MEIOSIN: variants seen among roughly 807,000 people sequenced by gnomAD.
MEIOSIN encodes the protein meiosis initiator protein.
In MEIOSIN, 18 loss-of-function variants were observed where a neutral mutation model predicts 23.4. The ratio of observed to expected loss-of-function variants is 0.77; its 90% CI spans 0.53 to 1.14. The LOEUF is 1.14. Ranked by LOEUF, MEIOSIN falls within the 50% of genes most tolerant of loss-of-function variation. The probability of loss-of-function intolerance (pLI) is 0.00; values close to 1 mark genes in which losing one functional copy is unlikely to be tolerated. For synonymous variants in MEIOSIN, 187 were observed against 100.6 expected, an observed-to-expected ratio of 1.86 and a Z score of -5.14; for missense variants, 428 against 242.9, an observed-to-expected ratio of 1.76 and a Z score of -5.07.
intron 13 of MEIOSIN, among the ~76,000 whole-genome samples, chr19:45,763,052 G>T (rs1188789040): frequency 1.3e-5 from 2 of 152,198 alleles, no homozygotes; most frequent in African/African-American, 4.8e-5. Context: ...CAGGCCTGGA[G>T]CCAGGGGATG....
chr19:45,754,191 G>T (rs1284780003), intron 6 of MEIOSIN, among the ~76,000 whole-genome samples: 1 of 152,152 alleles, frequency 6.6e-6, no homozygotes, highest in Non-Finnish European at 1.5e-5. Flanking sequence ...TGGCCAGGCT[G>T]GTCTTGAACT....
At chr19:45,734,775 G>A in intron 1 of MEIOSIN, among the ~76,000 whole-genome samples, 1 of 151,096 alleles carries the variant, frequency 6.6e-6, no homozygotes, top group East Asian at 2.0e-4. Flanking sequence ...AAAGTGCTAG[G>A]ATTACAGGCG....
chr19:45,747,879 T>G (rs956610817), intron 4 of MEIOSIN, among the ~76,000 whole-genome samples: 2 of 151,910 alleles, frequency 1.3e-5, no homozygotes, highest in Admixed American at 6.6e-5. Context: ...GCAGGCAGAT[T>G]GCTTGAGATT....
chr19:45,742,031 A>G (rs1358224774), intron 3 of MEIOSIN, among the ~76,000 whole-genome samples: 1 of 151,832 alleles, frequency 6.6e-6, no homozygotes, highest in African/African-American at 2.4e-5. Flanking sequence ...ACCTGCCACC[A>G]CACCTGGCTA....
intron 4 of MEIOSIN, among the ~76,000 whole-genome samples, chr19:45,748,974 TG>T (rs1968642098): frequency 6.6e-6 from 1 of 151,136 alleles, no homozygotes; most frequent in African/African-American, 2.4e-5. Flanking sequence ...GAGGTTGAGG[TG>T]GGAGAATCGC....
rs1294475070 is a variant in MEIOSIN, at chr19:45,733,770, TGGGG to T, written c.-1+107_-1+110del. 1 of 151,770 alleles carries T rather than the reference TGGGG, an allele frequency of 6.6e-6. No homozygotes were observed. Among genetic ancestry groups the T allele is most frequent in the African/African-American group, 2.4e-5 (1 of 41,276 alleles). The allele number at this position is 151,770 out of a possible 1,614,324, so 9.4% of individuals were successfully genotyped here. A position where few individuals can be genotyped will look rare whatever the true frequency, so the allele number is the denominator to read the frequency against. On this transcript the variant is annotated intron_variant, in intron 1 of 14. Transcript: ENST00000457052. This position sits in a 1 kb window ranked among gnomAD's most constrained non-coding sequence, Gnocchi z 5.7. The stretch of plus-strand genomic sequence containing the variant: ...GGATCCCCACAGGAGCTTCCCTCGG[TGGGG>T]GGCTCAGGGGAATAGAACATGCTCT...
At chr19:45,740,472 C>T (rs995320484) in intron 3 of MEIOSIN, among the ~76,000 whole-genome samples, 2 of 152,060 alleles carry the variant, frequency 1.3e-5, no homozygotes, top group East Asian at 1.9e-4. Context: ...AAATGAAGGC[C>T]GGGCACGGAG....
chr19:45,754,903 G>A (rs1285184995), intron 7 of MEIOSIN, among the ~76,000 whole-genome samples, 179 bp downstream of exon 7: 1 of 152,188 alleles, frequency 6.6e-6, no homozygotes, highest in African/African-American at 2.4e-5. Flanking sequence ...GCTGTGTCGT[G>A]GCTGTAATGG....
intron 11 of MEIOSIN, 60 bp from the exon 12 acceptor site, chr19:45,761,619 G>C (rs1968943471): frequency 1.5e-6 from 1 of 678,316 alleles, no homozygotes; most frequent in Non-Finnish European, 2.7e-6. Context: ...AAGCAGTACT[G>C]GGGGGATGAA....
chr19:45,736,169 T>C (rs1321447248), intron 2 of MEIOSIN, among the ~76,000 whole-genome samples: 2 of 151,900 alleles, frequency 1.3e-5, no homozygotes, highest in Non-Finnish European at 2.9e-5. Flanking sequence ...GCTTCAGCCT[T>C]CCGAACAGCT....
chr19:45,751,957 T>G (rs541707622), intron 5 of MEIOSIN, among the ~76,000 whole-genome samples: 1 of 150,264 alleles, frequency 6.7e-6, no homozygotes, highest in Non-Finnish European at 1.5e-5. Flanking sequence ...GGTCTCAAAC[T>G]CCTGACCTCA....
chr19:45,734,213 G>A (rs1269878855), intron 1 of MEIOSIN, among the ~76,000 whole-genome samples: 2 of 152,030 alleles, frequency 1.3e-5, no homozygotes, highest in Non-Finnish European at 2.9e-5. Flanking sequence ...GAGTATGGGA[G>A]CTCCAGTTTT....
At chr19:45,737,709 G>T (rs1189044247) in intron 2 of MEIOSIN, among the ~76,000 whole-genome samples, 1 of 151,812 alleles carries the variant, frequency 6.6e-6, no homozygotes, top group Non-Finnish European at 1.5e-5. Context: ...AAGGTGGGTT[G>T]ATCACTTGAG....
At chr19:45,748,225 C>T (rs1235991457) in intron 4 of MEIOSIN, among the ~76,000 whole-genome samples, 3 of 152,100 alleles carry the variant, frequency 2.0e-5, no homozygotes, top group Non-Finnish European at 4.4e-5. Flanking sequence ...CTACAGGTGC[C>T]CGCCACCACG....
chr19:45,743,761 A>G (rs1471796876), intron 3 of MEIOSIN, among the ~76,000 whole-genome samples: 1 of 152,138 alleles, frequency 6.6e-6, no homozygotes, highest in East Asian at 1.9e-4. Context: ...GGCCCAAGTC[A>G]TCTGCCCACT....
At chr19:45,758,186 G>C (rs1180431249) in intron 9 of MEIOSIN, among the ~76,000 whole-genome samples, 1 of 151,840 alleles carries the variant, frequency 6.6e-6, no homozygotes, top group African/African-American at 2.4e-5. Context: ...TAGAGACAGG[G>C]TTTCACCGTG....
At chr19:45,746,070 G>C (rs1216946709) in intron 4 of MEIOSIN, among the ~76,000 whole-genome samples, 2 of 152,084 alleles carry the variant, frequency 1.3e-5, no homozygotes, top group Non-Finnish European at 2.9e-5. Context: ...CCAGGCTCAA[G>C]CAATCCTCCC....
rs143986392 is a variant in MEIOSIN at position 45,753,018 on chromosome 19, G to A, written c.419-633G>A. On this transcript the variant is annotated intron_variant, in intron 5 of 14. Transcript: ENST00000457052. ...GGATCACTGCAAGCTCCACCCCCTG[G>A]GTTCAAGCGATTCTCCTGCCTCAGC... is the stretch of plus-strand genomic sequence containing the variant. Among the ~76,000 whole-genome samples the A allele has an allele frequency of 2.4e-3, 363 of 150,932 alleles. 12 individuals carry two copies. The East Asian group carries it at 0.065, about 27-fold the overall frequency.
intron 2 of MEIOSIN, among the ~76,000 whole-genome samples, 169 bp from the exon 3 acceptor site, chr19:45,739,457 G>C (rs1380950369): frequency 6.6e-6 from 1 of 152,018 alleles, no homozygotes; most frequent in Non-Finnish European, 1.5e-5. Flanking sequence ...TCAGCTGCAG[G>C]TTGTCCCTTT....
Sources: gnomAD v4.1 joint callset for allele counts (sites outside exome capture counted in the v4.1 genomes callset) on GRCh38, gnomAD v4.1.1 for gene constraint, Gnocchi (gnomAD v3.1) non-coding constraint, MANE v1.5 for transcripts, NCBI Gene and HGNC (gene_info 2026-07-23, HGNC 2026-07-21) for gene names.